EGFR: variants seen among roughly 807,000 people sequenced by gnomAD.
EGFR encodes the protein epidermal growth factor receptor, also known as avian erythroblastic leukemia viral (v-erb-b) oncogene homolog.
In EGFR, 58 loss-of-function variants were observed where a neutral mutation model predicts 143.0. The ratio of observed to expected loss-of-function variants is 0.41; its 90% confidence interval spans 0.33 to 0.50. EGFR has a LOEUF of 0.50. Ranked by LOEUF, EGFR falls within the 20% of genes least tolerant of loss-of-function variation. The pLI, the probability that EGFR is intolerant of heterozygous loss-of-function variation, is 0.39. For synonymous variants in EGFR, 613 were observed against 594.4 expected, an observed-to-expected ratio of 1.03 and a Z score of -0.45; for missense variants, 1,307 against 1,579.0, an observed-to-expected ratio of 0.83 and a Z score of 2.92.
intron 1 of EGFR, among the ~76,000 whole-genome samples, chr7:55,039,278 CA>C (rs1562659964): frequency 6.6e-6 from 1 of 152,174 alleles, no homozygotes; most frequent in Non-Finnish European, 1.5e-5. Context: ...GCTTGGTTGA[CA>C]TTTGGGGAGC....
intron 27 of EGFR, among the ~76,000 whole-genome samples, chr7:55,203,934 T>C (rs918425784): frequency 6.6e-6 from 1 of 151,110 alleles, no homozygotes; most frequent in Non-Finnish European, 1.5e-5. Context: ...TCAAAATCTT[T>C]ATATATAAAA....
At chr7:55,126,083 C>T (rs956164048) in intron 1 of EGFR, among the ~76,000 whole-genome samples, 9 of 152,158 alleles carry the variant, frequency 5.9e-5, no homozygotes, top group South Asian at 2.1e-4. Flanking sequence ...GGCGGGGCCC[C>T]GCTTGTCCTT....
At position 55,170,258 on chromosome 7, in the gene EGFR, C is replaced by T. The variant is rs146109090; in HGVS notation, c.1881-917C>T. 4.8e-5 allele frequency: 78 copies of T among 1,613,558 alleles called. No homozygotes were observed. In the African/African-American group the frequency reaches 6.8e-4, roughly 14 times the overall value. On this transcript the variant is annotated intron_variant, in intron 15 of 27. Transcript: ENST00000275493. ...ATCAGATTATAGTGTTACACCAGGGCTCCCCAGGCCTCTCACATATTGAAA... is the reference window on the plus strand; with the variant it reads ...ATCAGATTATAGTGTTACACCAGGGTTCCCCAGGCCTCTCACATATTGAAA...
At chr7:55,131,939 GAAAAAAAAAAA>G (rs1272464184) in intron 1 of EGFR, among the ~76,000 whole-genome samples, 1 of 99,838 alleles carries the variant, frequency 1.0e-5, no homozygotes, top group African/African-American at 3.8e-5. Context: ...TTTGCTTTCA[GAAAAAAAAAAA>G]AAAAAAAGAA....
At chr7:55,044,333 T>C (rs1788067911) in intron 1 of EGFR, among the ~76,000 whole-genome samples, 1 of 152,348 alleles carries the variant, frequency 6.6e-6, no homozygotes, top group Non-Finnish European at 1.5e-5. Context: ...TAGTTTGAAT[T>C]ACACAAGTGA....
chr7:55,144,949 AG>A (rs1489295702), intron 3 of EGFR, among the ~76,000 whole-genome samples: 5 of 152,210 alleles, frequency 3.3e-5, no homozygotes, highest in Non-Finnish European at 5.9e-5. Context: ...AAGTGACTGT[AG>A]GAACAGGCCT....
At chr7:55,056,207 TC>T (rs1788808293) in intron 1 of EGFR, among the ~76,000 whole-genome samples, 1 of 152,160 alleles carries the variant, frequency 6.6e-6, no homozygotes, top group Non-Finnish European at 1.5e-5. Flanking sequence ...GGAAAAATCA[TC>T]AGTATTTCTG....
intron 1 of EGFR, among the ~76,000 whole-genome samples, chr7:55,119,810 G>A (rs141807776): frequency 1.1e-4 from 16 of 152,300 alleles, no homozygotes; most frequent in Middle Eastern, 3.4e-3. Context: ...GACACATTCT[G>A]TTGCAGCAGG....
chr7:55,097,809 A>G (rs936342107), intron 1 of EGFR, among the ~76,000 whole-genome samples: 1 of 151,580 alleles, frequency 6.6e-6, no homozygotes, highest in African/African-American at 2.4e-5. Context: ...CTATAGGATG[A>G]TCCCATTTGT....
At position 55,201,348 on chromosome 7, in the gene EGFR, G is replaced by C. The variant is rs2128971793; in HGVS notation, c.3107G>C (p.Ser1036Thr). 2 of 1,614,062 alleles carry C rather than the reference G, an allele frequency of 1.2e-6. No homozygotes were observed. Among genetic ancestry groups the C allele is most frequent in the Non-Finnish European group, 1.7e-6 (2 of 1,180,018 alleles). The change falls in exon 25 of 28, where the codon AGC becomes ACC. Residue 1036 changes from serine (S) to threonine (T), a missense_variant. Around this residue, in one of 7 missense-constraint regions of EGFR, gnomAD observed 313 missense variants for 312.3 expected, o/e 1.00. Coordinates refer to ENST00000275493, the MANE Select transcript of EGFR (RefSeq NM_005228.5). Reference protein sequence around the residue: ...SPSTSRTPLLSSLSATSNNST... With the variant: ...SPSTSRTPLLTSLSATSNNST... ...TCCACGTCACGGACTCCCCTCCTGA[G>C]CTCTCTGGTATGAAATCTCTGTCTC...
Position 55,142,325 on chromosome 7 carries a change from C to G in EGFR, c.128C>G (p.Thr43Ser). 1 of 1,614,210 alleles carries G rather than the reference C, an allele frequency of 6.2e-7. No homozygotes were observed. The highest frequency in any genetic ancestry group is 8.5e-7 in the Non-Finnish European group (1 of 1,180,032). ...AGTAACAAGCTCACGCAGTTGGGCACTTTTGAAGATCATTTTCTCAGCCTC... is the reference window on the plus strand; with the variant it reads ...AGTAACAAGCTCACGCAGTTGGGCAGTTTTGAAGATCATTTTCTCAGCCTC... ...GTSNKLTQLGTFEDHFLSLQR... is the reference protein window; with the variant it reads ...GTSNKLTQLGSFEDHFLSLQR... Residue 43 changes from threonine to serine, a missense_variant, in exon 2 of 28, where the codon ACT becomes AGT. By Grantham distance (58) the Thr-to-Ser change is moderately conservative (BLOSUM62 1). This residue lies in a region of EGFR where 311 missense variants were observed against 412.3 expected (regional missense o/e 0.75). Transcript: ENST00000275493.
intron 20 of EGFR, among the ~76,000 whole-genome samples, chr7:55,189,299 C>T (rs559806597): frequency 6.6e-6 from 1 of 152,252 alleles, no homozygotes; most frequent in South Asian, 2.1e-4. Context: ...AGTCTCTGGA[C>T]CCCAGGTCAT....
chr7:55,075,564 C>G (rs921144631), intron 1 of EGFR, among the ~76,000 whole-genome samples: 1 of 152,160 alleles, frequency 6.6e-6, no homozygotes, highest in Admixed American at 6.5e-5. Context: ...CAGCTATGTT[C>G]CTCCTGAAAC....
Position 55,205,901 on chromosome 7 carries a change from A to AG in EGFR, c.*284_*285insG. 1 of 481,808 alleles carries AG rather than the reference A, an allele frequency of 2.1e-6. No individual in the cohort carries two copies. The highest frequency in any genetic ancestry group is 3.7e-6 in the Non-Finnish European group (1 of 267,288). The allele number at this position is 481,808 out of a possible 1,614,324, so 29.8% of individuals were successfully genotyped here. A position where few individuals can be genotyped will look rare whatever the true frequency, so the allele number is the denominator to read the frequency against. Reference sequence around the variant, plus strand: ...TATCTTTCAAAGAGGTATATTTGAAAAAAAAAAAAAGTATATGTGAGGATT... The same window carrying AG: ...TATCTTTCAAAGAGGTATATTTGAAAGAAAAAAAAAAGTATATGTGAGGATT... On this transcript the variant is annotated 3_prime_UTR_variant, in exon 28 of 28. Transcript: ENST00000275493.
At chr7:55,087,521 G>T (rs1362090466) in intron 1 of EGFR, among the ~76,000 whole-genome samples, 1 of 152,210 alleles carries the variant, frequency 6.6e-6, no homozygotes, top group Non-Finnish European at 1.5e-5. Flanking sequence ...AACATGGGTT[G>T]TGTGTAAAAT....
chr7:55,194,554 G>T (rs1390748260), intron 22 of EGFR, among the ~76,000 whole-genome samples: 1 of 152,142 alleles, frequency 6.6e-6, no homozygotes, highest in Non-Finnish European at 1.5e-5. Context: ...GGTCCTCCAG[G>T]TATGTTCAGA....
intron 1 of EGFR, among the ~76,000 whole-genome samples, chr7:55,048,723 G>T (rs1788318572): frequency 6.6e-6 from 1 of 152,170 alleles, no homozygotes. Flanking sequence ...GAGAGTGCTG[G>T]CAGCTTAGTA....
At chr7:55,057,046 C>T (rs1057181398) in intron 1 of EGFR, among the ~76,000 whole-genome samples, 6 of 152,182 alleles carry the variant, frequency 3.9e-5, no homozygotes, top group African/African-American at 1.4e-4. Context: ...GGAAGACAGA[C>T]TTATAGGTGG....
chr7:55,023,439 G>A (rs2128857225), intron 1 of EGFR, among the ~76,000 whole-genome samples: 1 of 152,224 alleles, frequency 6.6e-6, no homozygotes, highest in Admixed American at 6.5e-5. Context: ...CATGAAGCCA[G>A]GAGTTTGAGA....
Sources: gnomAD v4.1 joint callset for allele counts (sites outside exome capture counted in the v4.1 genomes callset) on GRCh38, gnomAD v4.1.1 for gene constraint, gnomAD v4.1.1 regional missense constraint, MANE v1.5 for transcripts, NCBI Gene and HGNC (gene_info 2026-07-23, HGNC 2026-07-21) for gene names.